The following ZNF420 variants were observed in gnomAD, a reference collection of about 807,000 sequenced individuals.
ZNF420 encodes zinc finger protein 420.
In ZNF420, 31 loss-of-function variants were observed where a neutral mutation model predicts 44.7. The ratio of observed to expected loss-of-function variants is 0.69; its 90% confidence interval spans 0.52 to 0.94. The LOEUF is 0.94. Ranked by LOEUF, ZNF420 falls within the 40% of genes least tolerant of loss-of-function variation. The pLI is 0.00. For missense variants in ZNF420, 681 were observed against 827.9 expected (o/e 0.82, Z 2.18); for synonymous variants, 245 against 267.4 (o/e 0.92, Z 0.82).
chr19:37,125,723 A>AT (rs1217827811), intron 4 of ZNF420, among the ~76,000 whole-genome samples: 1 of 152,180 alleles, frequency 6.6e-6, no homozygotes, highest in African/African-American at 2.4e-5. Context: ...CAGTCCTTGG[A>AT]TAACATTATA....
At chr19:37,110,897 T>C (rs1970352804) in intron 4 of ZNF420, among the ~76,000 whole-genome samples, 1 of 152,218 alleles carries the variant, frequency 6.6e-6, no homozygotes, top group African/African-American at 2.4e-5. Flanking sequence ...TTTTTGTTTT[T>C]GGGTAATGAT....
intron 1 of ZNF420, among the ~76,000 whole-genome samples, chr19:37,014,442 A>T (rs893079701): frequency 1.3e-5 from 2 of 152,150 alleles, no homozygotes; most frequent in African/African-American, 4.8e-5. Flanking sequence ...ATCGGAGCAG[A>T]AGAGCAGTCC....
intron 4 of ZNF420, chr19:37,108,162 CGAACA>C (rs1156939843): frequency 1.3e-5 from 2 of 152,130 alleles, no homozygotes; most frequent in Non-Finnish European, 2.9e-5. Context: ...GTTTACTGTC[CGAACA>C]GAAGAGTGCA....
Position 37,089,019 on chromosome 19 carries a change from T to C in ZNF420, c.-80-20T>C. ...CTTTGCAAAACACCTGGTCTCATGG[T>C]TCTGCTTTCTCCTCCGTAGCTCTGC... is the stretch of plus-strand genomic sequence containing the variant. On this transcript the variant is annotated intron_variant, in intron 2 of 4. Coordinates refer to ENST00000337995, the MANE Select transcript of ZNF420 (RefSeq NM_144689.5). The C allele has an allele frequency of 9.5e-7, 1 of 1,048,028 alleles. No individual in the cohort carries two copies. Among genetic ancestry groups the C allele is most frequent in the South Asian group, 1.3e-5 (1 of 79,350 alleles). 64.9% of individuals were successfully genotyped at this position (1,048,028 alleles called of 1,614,324 possible). A position where few individuals can be genotyped will look rare whatever the true frequency, so the allele number is the denominator to read the frequency against.
At chr19:37,038,963 A>G (rs905743344) in intron 1 of ZNF420, among the ~76,000 whole-genome samples, 9 of 151,458 alleles carry the variant, frequency 5.9e-5, no homozygotes, top group Admixed American at 5.3e-4. Flanking sequence ...TCCAGCCTGG[A>G]CAACAACAAT....
chr19:37,114,784 A>G (rs1006788393), intron 4 of ZNF420, among the ~76,000 whole-genome samples: 5 of 152,090 alleles, frequency 3.3e-5, no homozygotes, highest in Non-Finnish European at 7.4e-5. Flanking sequence ...CCTGTTTGAA[A>G]CAGTTCTAAA....
chr19:37,050,217 A>G (rs1037197971), intron 1 of ZNF420, among the ~76,000 whole-genome samples: 3 of 152,048 alleles, frequency 2.0e-5, no homozygotes, highest in African/African-American at 4.8e-5. Context: ...TTGGTTCCAT[A>G]TGAACTTTAA....
upstream of ZNF420, chr19:37,078,318 T>G (rs1285747829): frequency 5.9e-5 from 9 of 152,244 alleles, no homozygotes; most frequent in African/African-American, 1.9e-4. Flanking sequence ...CCTGGCGTTC[T>G]GGCCGGCTAG....
intron 1 of ZNF420, among the ~76,000 whole-genome samples, chr19:37,047,116 A>G (rs1451181095): frequency 6.6e-6 from 1 of 152,242 alleles, no homozygotes; most frequent in African/African-American, 2.4e-5. Context: ...GATTTATCCA[A>G]TTTTGTGCAC....
At chr19:37,122,785 C>A (rs1971127407) in intron 4 of ZNF420, among the ~76,000 whole-genome samples, 1 of 152,120 alleles carries the variant, frequency 6.6e-6, no homozygotes, top group Non-Finnish European at 1.5e-5. Flanking sequence ...CCTTCCCCTT[C>A]TGTTTTGTAT....
chr19:37,120,820 T>C (rs144871647), intron 4 of ZNF420, among the ~76,000 whole-genome samples: 290 of 152,306 alleles, frequency 1.9e-3, no homozygotes, highest in African/African-American at 5.0e-3. Flanking sequence ...AGCATTCTTA[T>C]ACATGAATAA....
intron 4 of ZNF420, among the ~76,000 whole-genome samples, chr19:37,126,386 A>T (rs1449069444): frequency 6.6e-6 from 1 of 152,184 alleles, no homozygotes; most frequent in Non-Finnish European, 1.5e-5. Context: ...TTTTTCTGGC[A>T]AATAAGGAGC....
chr19:37,036,059 G>A (rs1967348747), intron 1 of ZNF420, among the ~76,000 whole-genome samples: 1 of 152,030 alleles, frequency 6.6e-6, no homozygotes, highest in Admixed American at 6.6e-5. Flanking sequence ...GATTATCTTT[G>A]CCTTAACAAG....
Position 37,129,776 on chromosome 19 carries a change from C to A in ZNF420, c.*718C>A. On this transcript the variant is annotated 3_prime_UTR_variant, in exon 5 of 5. Coordinates refer to ENST00000337995, the MANE Select transcript of ZNF420 (RefSeq NM_144689.5). ...AAAAAAAAAACCCAGTGGATGTAATCAGTGTATTATTGAGCACAGCTGTTA... is the reference window on the plus strand; with the variant it reads ...AAAAAAAAAACCCAGTGGATGTAATAAGTGTATTATTGAGCACAGCTGTTA... 1.2e-5 allele frequency: 3 copies of A among 241,724 alleles called. No homozygotes were observed. Among genetic ancestry groups the A allele is most frequent in the Non-Finnish European group, 2.3e-5 (3 of 133,076 alleles). 15.0% of individuals were successfully genotyped at this position (241,724 alleles called of 1,614,324 possible).
At chr19:37,123,526 T>G (rs765397154) in intron 4 of ZNF420, among the ~76,000 whole-genome samples, 22 of 151,964 alleles carry the variant, frequency 1.4e-4, no homozygotes, top group Non-Finnish European at 2.8e-4. Context: ...CTTCAGAGCA[T>G]GTTCACCTCT....
intron 4 of ZNF420, among the ~76,000 whole-genome samples, chr19:37,109,095 A>G (rs911769915): frequency 2.0e-4 from 30 of 152,200 alleles, no homozygotes; most frequent in African/African-American, 7.0e-4. Flanking sequence ...GTGGTACAGT[A>G]AGTAAGTACT....
chr19:37,087,968 A>G lies in ZNF420; in HGVS notation c.-80-1071A>G, dbSNP rs770751134. ...CCGATTTCTAGCTTTTGAAGGAGTG[A>G]GGTCTCGGATCTAGGTTAGAGATTA... On this transcript the variant is annotated intron_variant, in intron 2 of 4. Coordinates refer to ENST00000337995, the MANE Select transcript of ZNF420 (RefSeq NM_144689.5). Among the ~76,000 whole-genome samples, 6 of 152,068 alleles carry G rather than the reference A, an allele frequency of 3.9e-5. No individual in the cohort carries two copies. The East Asian group carries it at 9.7e-4, about 25-fold the overall frequency.
At position 37,129,760 on chromosome 19, in the gene ZNF420, A is replaced by C. The variant is rs62108939; in HGVS notation, c.*702A>C. The C allele has an allele frequency of 2.0e-5, 4 of 202,310 alleles. No homozygotes were observed. In the East Asian group the frequency reaches 4.5e-4, roughly 23 times the overall value. 12.5% of individuals were successfully genotyped at this position (202,310 alleles called of 1,614,324 possible). On this transcript the variant is annotated 3_prime_UTR_variant, in exon 5 of 5. Transcript: ENST00000337995. Reference sequence around the variant, plus strand: ...TCAGTGTATTATTAAAAAAAAAAAAACCCAGTGGATGTAATCAGTGTATTA... The same window carrying C: ...TCAGTGTATTATTAAAAAAAAAAAACCCCAGTGGATGTAATCAGTGTATTA...
rs888810436 is a variant in ZNF420 at position 37,130,163 on chromosome 19, A to C, written c.*1105A>C. ...TCTAAGCTGGAGCTCCGTTACTCTC[A>C]TGGGGACTTTGAGAATGGTATCTGG... On this transcript the variant is annotated 3_prime_UTR_variant, in exon 5 of 5. Coordinates refer to ENST00000337995, the MANE Select transcript of ZNF420 (RefSeq NM_144689.5). 6.5e-7 allele frequency: 1 copy of C among 1,550,358 alleles called. No homozygotes were observed. Among genetic ancestry groups the C allele is most frequent in the East Asian group, 2.4e-5 (1 of 40,904 alleles).
Sources: gnomAD v4.1 joint callset for allele counts (sites outside exome capture counted in the v4.1 genomes callset) on GRCh38, gnomAD v4.1.1 for gene constraint, MANE v1.5 for transcripts, NCBI Gene and HGNC (gene_info 2026-07-23, HGNC 2026-07-21) for gene names.